The following CGGBP1 variants were observed in gnomAD, a reference collection of about 807,000 sequenced individuals.
CGGBP1 encodes the protein CGG triplet repeat-binding protein 1.
A neutral mutation model predicts 11.4 loss-of-function variants in CGGBP1; 4 were observed. That is an observed-to-expected ratio of 0.35 (90% CI 0.17 to 0.80). CGGBP1 has a LOEUF of 0.80. CGGBP1 is among the 30% of genes least tolerant of loss of function. The pLI is 0.52. For missense variants in CGGBP1, 135 were observed against 202.1 expected (o/e 0.67, Z 2.01); for synonymous variants, 76 against 74.1 (o/e 1.03, Z -0.13).
rs1424669736 is a variant in CGGBP1, at chr3:88,055,203, G to C, written c.*270C>G. On this transcript the variant is annotated 3_prime_UTR_variant, in exon 4 of 4. Coordinates refer to ENST00000482016, the MANE Select transcript of CGGBP1 (RefSeq NM_001008390.2). This position sits in a 1 kb window ranked among gnomAD's most constrained non-coding sequence, Gnocchi z 4.2. The stretch of plus-strand genomic sequence containing the variant: ...TCTTCCATGCACAAACATTTCAGGA[G>C]AAAAACCATTAATTTTAAAGATAAC... 2.4e-5 allele frequency: 7 copies of C among 293,206 alleles called. No individual in the cohort carries two copies. The South Asian group carries it at 4.3e-4, about 18-fold the overall frequency. 18.2% of individuals were successfully genotyped at this position (293,206 alleles called of 1,614,324 possible).
upstream of CGGBP1, chr3:88,059,288 G>A (rs1434490705): frequency 3.3e-6 from 5 of 1,532,078 alleles, no homozygotes; most frequent in Non-Finnish European, 4.4e-6. Flanking sequence ...CGGCGGCGCA[G>A]GGGCTGGTAC....
intron 2 of CGGBP1, among the ~76,000 whole-genome samples, chr3:88,101,153 A>G (rs900644286): frequency 2.0e-5 from 3 of 151,992 alleles, no homozygotes; most frequent in African/African-American, 7.3e-5. Flanking sequence ...CATATAATTC[A>G]CCCATTGTCA....
At chr3:88,129,271 G>T (rs557493363) in intron 2 of CGGBP1, among the ~76,000 whole-genome samples, 1 of 136,396 alleles carries the variant, frequency 7.3e-6, no homozygotes, top group East Asian at 2.4e-4. Context: ...CTTTTGATGT[G>T]ATGGAGAAGA....
upstream of CGGBP1, chr3:88,059,190 C>T: frequency 2.8e-6 from 4 of 1,435,496 alleles, no homozygotes; most frequent in Non-Finnish European, 2.7e-6. Context: ...TAGAGCCCAG[C>T]CGAGAGGCCC....
intron 2 of CGGBP1, chr3:88,139,743 C>G: frequency 1.3e-6 from 2 of 1,555,238 alleles, no homozygotes. Flanking sequence ...TGTTTTCAAG[C>G]CTTTAACTGA....
At chr3:88,118,001 G>A (rs1486826964) in intron 2 of CGGBP1, among the ~76,000 whole-genome samples, 1 of 150,494 alleles carries the variant, frequency 6.6e-6, no homozygotes, top group African/African-American at 2.4e-5. Context: ...GAGAAACATA[G>A]ATGTTTTAGT....
intron 2 of CGGBP1, among the ~76,000 whole-genome samples, chr3:88,124,821 C>T (rs532050570): frequency 8.1e-4 from 123 of 151,120 alleles, no homozygotes; most frequent in African/African-American, 2.8e-3. Context: ...TTTTTCTTAA[C>T]GCTTTAAGCT....
chr3:88,119,488 A>T (rs1483934265), intron 2 of CGGBP1, among the ~76,000 whole-genome samples: 39 of 150,522 alleles, frequency 2.6e-4, no homozygotes, highest in Non-Finnish European at 4.4e-5. Flanking sequence ...ACATGTATAC[A>T]TATGTAACTA....
chr3:88,098,093 TAAA>T (rs1459043765), intron 2 of CGGBP1, among the ~76,000 whole-genome samples: 1 of 151,358 alleles, frequency 6.6e-6, no homozygotes, highest in African/African-American at 2.4e-5. Flanking sequence ...GCAAGACTAA[TAAA>T]GAAGAAAAGA....
chr3:88,060,772 A>AT (rs1706830952), upstream of CGGBP1, among the ~76,000 whole-genome samples: 4 of 151,932 alleles, frequency 2.6e-5, no homozygotes, highest in Admixed American at 2.0e-4. Flanking sequence ...CTTGTAAGGG[A>AT]TTTTTTCAAT....
chr3:88,148,137 CT>C (rs1241049067), intron 1 of CGGBP1, among the ~76,000 whole-genome samples: 6 of 152,192 alleles, frequency 3.9e-5, no homozygotes, highest in African/African-American at 1.4e-4. Flanking sequence ...CTTAAAGAAG[CT>C]TTCCTTTCAA....
In CGGBP1 at chr3:88,054,203, G is replaced by C. The variant is rs1023436530; in HGVS notation, c.*1270C>G. On this transcript the variant is annotated 3_prime_UTR_variant, in exon 4 of 4. Coordinates refer to ENST00000482016, the MANE Select transcript of CGGBP1 (RefSeq NM_001008390.2). ...TTAACTTGAATTTCAAAGAATTTAA[G>C]ATTTTTTATTAAAGCTCTAGTCCAA... 1 of 152,550 alleles carries C rather than the reference G, an allele frequency of 6.6e-6. No individual in the cohort carries two copies. Among genetic ancestry groups the C allele is most frequent in the Non-Finnish European group, 1.5e-5 (1 of 68,000 alleles). The allele number at this position is 152,550 out of a possible 1,614,324, so 9.4% of individuals were successfully genotyped here.
chr3:88,127,053 A>T (rs766553224), intron 2 of CGGBP1, among the ~76,000 whole-genome samples: 3 of 152,100 alleles, frequency 2.0e-5, no homozygotes, highest in Non-Finnish European at 4.4e-5. Flanking sequence ...AACATTTTGG[A>T]TCACCAAAAC....
At position 88,052,487 on chromosome 3, in the gene CGGBP1, T is replaced by G. The variant is rs1706450607; in HGVS notation, c.*2986A>C. The G allele has an allele frequency of 6.6e-6, 1 of 152,602 alleles. No individual in the cohort carries two copies. The highest frequency in any genetic ancestry group is 6.5e-5 in the Admixed American group (1 of 15,282). The allele number at this position is 152,602 out of a possible 1,614,324, so 9.5% of individuals were successfully genotyped here. ...GCTTTTGTTTTGGGCCATCTTAAGT[T>G]TTGTGTTTTCCATTAACATTCATGT... On this transcript the variant is annotated 3_prime_UTR_variant, in exon 4 of 4. Transcript: ENST00000482016.
intron 2 of CGGBP1, among the ~76,000 whole-genome samples, chr3:88,104,102 A>G (rs1704597304): frequency 6.6e-6 from 1 of 152,068 alleles, no homozygotes; most frequent in South Asian, 2.1e-4. Flanking sequence ...AAAGAGAGAG[A>G]TGTATGTAAT....
chr3:88,140,468 G>C, intron 2 of CGGBP1: 1 of 1,613,634 alleles, frequency 6.2e-7, no homozygotes, highest in Non-Finnish European at 8.5e-7. Context: ...GTATGGAAAA[G>C]AAAACAGACA....
intron 2 of CGGBP1, among the ~76,000 whole-genome samples, chr3:88,100,728 C>T (rs1396665896): frequency 6.6e-6 from 1 of 151,922 alleles, no homozygotes; most frequent in African/African-American, 2.4e-5. Context: ...CAAACACCGC[C>T]ATGTTCTCAC....
intron 2 of CGGBP1, among the ~76,000 whole-genome samples, chr3:88,100,958 A>G (rs1704386379): frequency 6.6e-6 from 1 of 152,200 alleles, no homozygotes; most frequent in African/African-American, 2.4e-5. Context: ...TTAAAGTATA[A>G]TAAAAGAAAA....
chr3:88,105,330 A>G (rs1368342976), intron 2 of CGGBP1, among the ~76,000 whole-genome samples: 1 of 152,166 alleles, frequency 6.6e-6, no homozygotes, highest in African/African-American at 2.4e-5. Context: ...TTCCACAGTG[A>G]TACAGACTAT....
Sources: allele counts gnomAD v4.1 joint callset (sites outside exome capture counted in the v4.1 genomes callset), GRCh38; gene constraint gnomAD v4.1.1; non-coding constraint Gnocchi (gnomAD v3.1); transcripts MANE v1.5; gene names NCBI Gene and HGNC (gene_info 2026-07-23, HGNC 2026-07-21).